PRKD3: variants seen among roughly 807,000 people sequenced by gnomAD.
PRKD3 encodes the protein protein kinase D3, also known as serine/threonine-protein kinase D3.
PRKD3 carries 47 observed loss-of-function variants against 99.2 expected under a neutral mutation model. The ratio of observed to expected loss-of-function variants is 0.47; its 90% CI spans 0.38 to 0.60. PRKD3 has a LOEUF of 0.60. Ranked by LOEUF, PRKD3 falls within the 20% of genes least tolerant of loss-of-function variation. PRKD3 has a pLI of 0.00. For synonymous variants in PRKD3, 392 were observed against 355.4 expected (o/e 1.10, Z -1.16); for missense variants, 1,019 against 1,088.4 (o/e 0.94, Z 0.90).
At chr2:37,319,375 T>C (rs1330956334) in intron 1 of PRKD3, among the ~76,000 whole-genome samples, 2 of 152,176 alleles carry the variant, frequency 1.3e-5, no homozygotes, top group African/African-American at 4.8e-5. Context: ...CAGCCTTATA[T>C]CATTTTTCAC....
chr2:37,257,007 A>C (rs566580101), intron 16 of PRKD3, 78 bp from the exon 17 acceptor site: 5 of 1,451,994 alleles, frequency 3.4e-6, no homozygotes, highest in Non-Finnish European at 3.8e-6. Context: ...ATAACACTGT[A>C]TGTATCATTT....
At chr2:37,300,516 G>A (rs938620257) in intron 2 of PRKD3, among the ~76,000 whole-genome samples, 7 of 152,186 alleles carry the variant, frequency 4.6e-5, no homozygotes, top group Non-Finnish European at 8.8e-5. Flanking sequence ...AAAATAACTA[G>A]AAGAGTAGAA....
intron 18 of PRKD3, among the ~76,000 whole-genome samples, chr2:37,253,764 C>T (rs1181481968): frequency 6.6e-6 from 1 of 152,138 alleles, no homozygotes; most frequent in Non-Finnish European, 1.5e-5. Context: ...TTCTGCCTCT[C>T]ACTCCCTATA....
intron 6 of PRKD3, among the ~76,000 whole-genome samples, chr2:37,285,631 C>G (rs1375545751): frequency 2.6e-5 from 4 of 152,176 alleles, no homozygotes. Context: ...GTGTCTGGCT[C>G]TGGAATCAAA....
chr2:37,282,706 CAG>C (rs758647968), intron 6 of PRKD3, 87 bp from the exon 7 acceptor site: 34 of 918,850 alleles, frequency 3.7e-5, no homozygotes, highest in Non-Finnish European at 5.7e-5. Context: ...CACTCACAAA[CAG>C]AATATTATTA....
intron 7 of PRKD3, among the ~76,000 whole-genome samples, chr2:37,280,520 A>G (rs1669806496): frequency 6.6e-6 from 1 of 152,214 alleles, no homozygotes; most frequent in Admixed American, 6.5e-5. Context: ...AGAAAATTCA[A>G]CGGGCAAAAA....
intron 3 of PRKD3, 60 bp from the exon 4 acceptor site, chr2:37,291,059 T>A (rs17020479): frequency 1.4e-6 from 2 of 1,400,898 alleles, no homozygotes; most frequent in East Asian, 4.8e-5. Context: ...AGATTAAGAA[T>A]GCTCACACAT....
At chr2:37,308,264 T>C (rs1671250356) in intron 2 of PRKD3, among the ~76,000 whole-genome samples, 1 of 152,220 alleles carries the variant, frequency 6.6e-6, no homozygotes. Flanking sequence ...ATGTATACGT[T>C]ATAATTTTTA....
chr2:37,291,089 C>T (rs1197667121), intron 3 of PRKD3, 90 bp from the exon 4 acceptor site: 2 of 1,216,258 alleles, frequency 1.6e-6, no homozygotes, highest in Non-Finnish European at 2.2e-6. Context: ...TCAAAGTACA[C>T]AGAATCATTT....
intron 14 of PRKD3, among the ~76,000 whole-genome samples, chr2:37,267,004 A>C (rs1668889233): frequency 6.6e-6 from 1 of 152,226 alleles, no homozygotes; most frequent in Non-Finnish European, 1.5e-5. Context: ...ATATATCTTT[A>C]AAATACGCCC....
At position 37,274,534 on chromosome 2, in the gene PRKD3, G is replaced by A. The variant is rs748130565; in HGVS notation, c.1538C>T (p.Thr513Ile). ...DSSHNPVLAA[T>I]GVGLDVAQSW... ...CTGTGCTACATCAAGTCCAACTCCA[G>A]TGGCAGCAAGAACAGGATTATGAGA... Residue 513 changes from threonine (T) to isoleucine (I), a missense_variant, in exon 11 of 19, where the codon ACT becomes ATT. Around this residue, in one of 3 missense-constraint regions of PRKD3, gnomAD observed 710 missense variants for 692.7 expected, o/e 1.02. Transcript: ENST00000234179. 33 of 1,614,168 alleles carry A rather than the reference G, an allele frequency of 2.0e-5. No individual in the cohort carries two copies. The highest frequency in any genetic ancestry group is 2.4e-5 in the Non-Finnish European group (28 of 1,180,016).
intron 17 of PRKD3, among the ~76,000 whole-genome samples, chr2:37,255,164 A>G (rs1001109658): frequency 1.3e-5 from 2 of 152,250 alleles, no homozygotes; most frequent in East Asian, 3.8e-4. Context: ...ACACTGGTTA[A>G]CATCAAAAAA....
At chr2:37,282,784 C>A (rs907974625) in intron 6 of PRKD3, among the ~76,000 whole-genome samples, 165 bp from the exon 7 acceptor site, 2 of 152,118 alleles carry the variant, frequency 1.3e-5, no homozygotes, top group Non-Finnish European at 1.5e-5. Flanking sequence ...ACCCCCCCAT[C>A]ATTTTCTTCA....
chr2:37,286,068 T>A, intron 6 of PRKD3, 109 bp downstream of exon 6: 1 of 969,388 alleles, frequency 1.0e-6, no homozygotes, highest in Non-Finnish European at 1.5e-6. Context: ...ATATAACAAT[T>A]ATGAGAATAA....
At position 37,254,244 on chromosome 2, in the gene PRKD3, C is replaced by T. The variant is rs1190447993; in HGVS notation, c.2459G>A (p.Arg820His). The T allele has an allele frequency of 3.7e-6, 6 of 1,613,288 alleles. No homozygotes were observed. Among genetic ancestry groups the T allele is most frequent in the Admixed American group, 1.7e-5 (1 of 60,004 alleles). ...ACTAAGAGATTTGTCAACACTGTAA[C>T]GTTTTCTCATCTTCACTTGAAGCAG... ...NNLLQVKMRK[R>H]YSVDKSLSHP... Residue 820 changes from arginine to histidine, a missense_variant, in exon 18 of 19, where the codon CGT becomes CAT. Around this residue, in one of 3 missense-constraint regions of PRKD3, gnomAD observed 125 missense variants for 120.6 expected, o/e 1.04. Transcript: ENST00000234179.
At chr2:37,296,770 G>A (rs930129729) in intron 2 of PRKD3, among the ~76,000 whole-genome samples, 4 of 151,490 alleles carry the variant, frequency 2.6e-5, no homozygotes, top group Non-Finnish European at 5.9e-5. Context: ...CGTGGTGGCG[G>A]GCGCCTGTAG....
intron 7 of PRKD3, 124 bp from the exon 8 acceptor site, chr2:37,280,053 T>A: frequency 4.8e-6 from 3 of 626,444 alleles, no homozygotes; most frequent in Non-Finnish European, 7.6e-6. Context: ...AAAGTATTTC[T>A]CTTTTTTTTT....
intron 14 of PRKD3, among the ~76,000 whole-genome samples, chr2:37,263,403 T>C (rs1344353594): frequency 6.6e-6 from 1 of 152,216 alleles, no homozygotes; most frequent in Non-Finnish European, 1.5e-5. Context: ...CATTCTTTGT[T>C]TTTAGGGTAC....
rs1484489124 is a variant in PRKD3 at position 37,256,579 on chromosome 2, G to C, written c.2413+83C>G. On this transcript the variant is annotated intron_variant, in intron 17 of 18. Transcript: ENST00000234179. ...CTAAAAAGATAAGTTGCAAGAGACAGACTGATTTGGGATGAGAAAGATGTT... is the reference window on the plus strand; with the variant it reads ...CTAAAAAGATAAGTTGCAAGAGACACACTGATTTGGGATGAGAAAGATGTT... The C allele has an allele frequency of 4.3e-6, 6 of 1,393,642 alleles. No individual in the cohort carries two copies. In the East Asian group the frequency reaches 1.3e-4, roughly 29 times the overall value. 86.3% of individuals were successfully genotyped at this position (1,393,642 alleles called of 1,614,324 possible). A position where few individuals can be genotyped will look rare whatever the true frequency, so the allele number is the denominator to read the frequency against.
Sources: gnomAD v4.1 joint callset for allele counts (sites outside exome capture counted in the v4.1 genomes callset) on GRCh38, gnomAD v4.1.1 for gene constraint, gnomAD v4.1.1 regional missense constraint, MANE v1.5 for transcripts, NCBI Gene and HGNC (gene_info 2026-07-23, HGNC 2026-07-21) for gene names.